Variants in ZHX3 observed in about 807,000 individuals in gnomAD.
ZHX3 encodes zinc fingers and homeoboxes 3, also known as zinc fingers and homeoboxes protein 3.
In ZHX3, 20 loss-of-function variants were observed where a neutral mutation model predicts 64.5. The observed-to-expected ratio is 0.31, with a 90% confidence interval of 0.22 to 0.45. ZHX3 has a LOEUF of 0.45. Ranked by LOEUF, ZHX3 falls within the 20% of genes least tolerant of loss-of-function variation. ZHX3 has a pLI of 1.00. For synonymous variants in ZHX3, 423 were observed against 461.6 expected, an observed-to-expected ratio of 0.92 and a Z score of 1.07; for missense variants, 1,041 against 1,195.8, an observed-to-expected ratio of 0.87 and a Z score of 1.91.
intron 3 of ZHX3, among the ~76,000 whole-genome samples, chr20:41,193,518 C>T (rs2037221431): frequency 3.9e-5 from 6 of 152,088 alleles, no homozygotes; most frequent in Admixed American, 3.9e-4. Context: ...ACTATGTTGC[C>T]CAGGCTGGCC....
At position 41,225,056 on chromosome 20, in the gene ZHX3, G is replaced by C. The variant is rs578144578; in HGVS notation, c.-150-19990C>G. 2.0e-5 allele frequency among the ~76,000 whole-genome samples: 3 copies of C among 152,340 alleles called. No individual in the cohort carries two copies. The South Asian group carries it at 6.2e-4, about 32-fold the overall frequency. ...CTGGCACATAATAATCGTTTTCAGTGAGTGAATGGGTGAATAAACGGTAGC... is the reference window on the plus strand; with the variant it reads ...CTGGCACATAATAATCGTTTTCAGTCAGTGAATGGGTGAATAAACGGTAGC... On this transcript the variant is annotated intron_variant, in intron 2 of 3. Transcript: ENST00000683867.
chr20:41,235,683 T>G (rs1419979610), intron 2 of ZHX3, among the ~76,000 whole-genome samples: 1 of 152,156 alleles, frequency 6.6e-6, no homozygotes, highest in African/African-American at 2.4e-5. Flanking sequence ...TGGCAAAAAC[T>G]GGAAGCATTC....
rs11327834 is a variant in ZHX3 at position 41,266,844 on chromosome 20, C to CTT, written c.-151+2144_-151+2145dup. Among the ~76,000 whole-genome samples the CTT allele has an allele frequency of 4.1e-3, 314 of 76,464 alleles. 25 individuals carry two copies. Among genetic ancestry groups the CTT allele is most frequent in the East Asian group, 0.015 (22 of 1,436 alleles). The allele number at this position is 76,464 out of a possible 152,430, so 50.2% of individuals were successfully genotyped here. Reference sequence around the variant, plus strand: ...ACAGGCGTGAGCCACCGTGCCCGGCCTTTTTTTTTTTTTTTTTTTTTTTTT... The same window carrying CTT: ...ACAGGCGTGAGCCACCGTGCCCGGCCTTTTTTTTTTTTTTTTTTTTTTTTTTT... On this transcript the variant is annotated intron_variant, in intron 2 of 3. Transcript: ENST00000683867.
rs753810896 is a variant in ZHX3 at position 41,202,986 on chromosome 20, C to T, written c.1931G>A (p.Arg644His). 9 of 1,614,006 alleles carry T rather than the reference C, an allele frequency of 5.6e-6. No homozygotes were observed. The highest frequency in any genetic ancestry group is 1.3e-5 in the African/African-American group (1 of 74,898). Residue 644 changes from arginine (R) to histidine (H), a missense_variant, in exon 3 of 4, where the codon CGC becomes CAC. Arg to His is a conservative substitution (Grantham distance 29). Around this residue, in one of 4 missense-constraint regions of ZHX3, gnomAD observed 649 missense variants for 739.8 expected, o/e 0.88. Transcript: ENST00000683867. The surrounding 1 kb of genome is among the most constrained non-coding windows in gnomAD (Gnocchi z 7.0). ...NPLPLDEELD[R>H]LRSETKMTRR... ...GGTCATTTTGGTTTCACTTCTCAGG[C>T]GGTCCAGTTCCTCATCAAGAGGAAG... is the stretch of plus-strand genomic sequence containing the variant.
chr20:41,260,758 T>C (rs1460284307), intron 2 of ZHX3, among the ~76,000 whole-genome samples: 1 of 152,210 alleles, frequency 6.6e-6, no homozygotes, highest in Non-Finnish European at 1.5e-5. Context: ...GTAGTTCATT[T>C]AACCTTCACA....
intron 2 of ZHX3, among the ~76,000 whole-genome samples, chr20:41,248,023 T>G (rs1420351655): frequency 6.6e-6 from 1 of 152,228 alleles, no homozygotes; most frequent in Non-Finnish European, 1.5e-5. Context: ...ATCAGGTCCC[T>G]GCGCCTCTCC....
chr20:41,200,750 G>A lies in ZHX3; in HGVS notation c.2860+1307C>T, dbSNP rs901605912. ...TTAATATGAGAAGAACAGGCTTTCT[G>A]CAAATGCTAAACAGATGGATGACAT... On this transcript the variant is annotated intron_variant, in intron 3 of 3. Coordinates refer to ENST00000683867, the MANE Select transcript of ZHX3 (RefSeq NM_001384317.1). This position sits in a 1 kb window ranked among gnomAD's most constrained non-coding sequence, Gnocchi z 4.2. Among the ~76,000 whole-genome samples, 13 of 152,166 alleles carry A rather than the reference G, an allele frequency of 8.5e-5. No homozygotes were observed. The highest frequency in any genetic ancestry group is 1.2e-4 in the African/African-American group (5 of 41,420).
rs1315356768 is a variant in ZHX3 at position 41,202,565 on chromosome 20, G to C, written c.2352C>G (p.Val784=). ...CCTGGTTGCTTGGCCACTGTGTCTGGACAAAGAGCTGCCGCAGCAAGTGCC... is the reference window on the plus strand; with the variant it reads ...CCTGGTTGCTTGGCCACTGTGTCTGCACAAAGAGCTGCCGCAGCAAGTGCC... ...QQRHLLRQLF[V]QTQWPSNQDY... is the part of the protein sequence containing the mutation. Residue 784 remains valine (V), a synonymous_variant, in exon 3 of 4, where the codon GTC becomes GTG. Transcript: ENST00000683867. The surrounding 1 kb of genome is among the most constrained non-coding windows in gnomAD (Gnocchi z 7.0). 6.2e-7 allele frequency: 1 copy of C among 1,613,902 alleles called. No homozygotes were observed. The highest frequency in any genetic ancestry group is 8.5e-7 in the Non-Finnish European group (1 of 1,180,042).
In ZHX3 at chr20:41,178,729, G is replaced by A. The variant is rs955170206; in HGVS notation, c.*6462C>T. On this transcript the variant is annotated 3_prime_UTR_variant, in exon 4 of 4. Coordinates refer to ENST00000683867, the MANE Select transcript of ZHX3 (RefSeq NM_001384317.1). The stretch of plus-strand genomic sequence containing the variant: ...TTAAGTTCCATTTTTTTGTTAAAAC[G>A]TTTACCCAGGGTAAAGAATTCCCAT... 6.6e-6 allele frequency: 1 copy of A among 152,538 alleles called. No individual in the cohort carries two copies. The highest frequency in any genetic ancestry group is 2.4e-5 in the African/African-American group (1 of 41,428). 9.4% of individuals were successfully genotyped at this position (152,538 alleles called of 1,614,324 possible).
chr20:41,180,311 C>T lies in ZHX3; in HGVS notation c.*4880G>A, dbSNP rs1049229743. The T allele has an allele frequency of 3.1e-4, 47 of 152,710 alleles. No individual in the cohort carries two copies. Among genetic ancestry groups the T allele is most frequent in the African/African-American group, 1.1e-3 (46 of 41,458 alleles). 9.5% of individuals were successfully genotyped at this position (152,710 alleles called of 1,614,324 possible). ...TATGTTCTTTATCATCCTCAAAGTC[C>T]TGCGAACCCAAAGATAGAACTTTCA... is the stretch of plus-strand genomic sequence containing the variant. On this transcript the variant is annotated 3_prime_UTR_variant, in exon 4 of 4. Transcript: ENST00000683867.
chr20:41,209,604 C>T (rs186738920), intron 2 of ZHX3, among the ~76,000 whole-genome samples: 200 of 152,286 alleles, frequency 1.3e-3, no homozygotes, highest in African/African-American at 4.6e-3. Context: ...AAAGGATTCC[C>T]TATTTAATAA....
intron 2 of ZHX3, among the ~76,000 whole-genome samples, chr20:41,208,722 C>T (rs1408943290): frequency 6.6e-6 from 1 of 152,094 alleles, no homozygotes; most frequent in Non-Finnish European, 1.5e-5. Flanking sequence ...ATGACAAACC[C>T]ACAGCCAATA....
At chr20:41,259,994 C>A (rs957700303) in intron 2 of ZHX3, among the ~76,000 whole-genome samples, 1 of 151,816 alleles carries the variant, frequency 6.6e-6, no homozygotes, top group African/African-American at 2.4e-5. Context: ...GAATTTTGCC[C>A]AGAATGGAAT....
At chr20:41,301,474 T>C (rs986751316) in intron 1 of ZHX3, among the ~76,000 whole-genome samples, 15 of 152,152 alleles carry the variant, frequency 9.9e-5, no homozygotes, top group Non-Finnish European at 2.1e-4. Context: ...TCTCCTCCTC[T>C]TAGTCTTGTA....
At chr20:41,193,561 T>C (rs1370137361) in intron 3 of ZHX3, among the ~76,000 whole-genome samples, 1 of 152,128 alleles carries the variant, frequency 6.6e-6, no homozygotes, top group Non-Finnish European at 1.5e-5. Flanking sequence ...TCCCAAGTAG[T>C]GGGACTACAG....
At chr20:41,253,593 G>T (rs1156483927) in intron 2 of ZHX3, among the ~76,000 whole-genome samples, 5 of 152,138 alleles carry the variant, frequency 3.3e-5, no homozygotes, top group African/African-American at 9.7e-5. Context: ...ACTGGGAAGG[G>T]ACATGAGGAA....
chr20:41,201,203 T>C lies in ZHX3; in HGVS notation c.2860+854A>G, dbSNP rs377690586. ...AGTGTCTCCTGTACCCCCTCCCACA[T>C]TGCCAACTCAGCTAGCAATGCTGCC... On this transcript the variant is annotated intron_variant, in intron 3 of 3. Coordinates refer to ENST00000683867, the MANE Select transcript of ZHX3 (RefSeq NM_001384317.1). This position sits in a 1 kb window ranked among gnomAD's most constrained non-coding sequence, Gnocchi z 5.0. 4.0e-6 allele frequency: 4 copies of C among 989,248 alleles called. No individual in the cohort carries two copies. Among genetic ancestry groups the C allele is most frequent in the African/African-American group, 1.7e-5 (1 of 58,194 alleles). The allele number at this position is 989,248 out of a possible 1,614,324, so 61.3% of individuals were successfully genotyped here.
At chr20:41,186,285 T>C (rs986365894) in intron 3 of ZHX3, among the ~76,000 whole-genome samples, 2 of 152,226 alleles carry the variant, frequency 1.3e-5, no homozygotes, top group African/African-American at 4.8e-5. Context: ...ACATCTCACT[T>C]AGCAAAAATG....
At chr20:41,287,200 T>C (rs1292795270) in intron 1 of ZHX3, among the ~76,000 whole-genome samples, 1 of 152,172 alleles carries the variant, frequency 6.6e-6, no homozygotes, top group East Asian at 1.9e-4. Flanking sequence ...ACCTGTTCCC[T>C]TTATCTTCCT....
Sources: gnomAD v4.1 joint callset for allele counts (sites outside exome capture counted in the v4.1 genomes callset) on GRCh38, gnomAD v4.1.1 for gene constraint, gnomAD v4.1.1 regional missense constraint, Gnocchi (gnomAD v3.1) non-coding constraint, MANE v1.5 for transcripts, NCBI Gene and HGNC (gene_info 2026-07-23, HGNC 2026-07-21) for gene names.